The following PBXIP1 variants were observed in gnomAD, a reference collection of about 807,000 sequenced individuals.
PBXIP1 encodes pre-B-cell leukemia transcription factor-interacting protein 1.
A neutral mutation model predicts 73.7 loss-of-function variants in PBXIP1; 73 were observed. The ratio of observed to expected loss-of-function variants is 0.99; its 90% CI spans 0.82 to 1.20. The LOEUF is 1.20. Ranked by LOEUF, PBXIP1 falls within the 50% of genes most tolerant of loss-of-function variation. The probability of loss-of-function intolerance (pLI) is 0.00; values close to 1 mark genes in which losing one functional copy is unlikely to be tolerated. For synonymous variants in PBXIP1, 330 were observed against 366.9 expected, an observed-to-expected ratio of 0.90 and a Z score of 1.15; for missense variants, 818 against 911.4, an observed-to-expected ratio of 0.90 and a Z score of 1.32.
chr1:154,948,227 C>A lies in PBXIP1; in HGVS notation c.549G>T (p.Gly183=). 2 of 1,612,676 alleles carry A rather than the reference C, an allele frequency of 1.2e-6. No homozygotes were observed. The highest frequency in any genetic ancestry group is 1.7e-6 in the Non-Finnish European group (2 of 1,179,366). Residue 183 remains glycine, a synonymous_variant, in exon 6 of 11, where the codon GGG becomes GGT. Transcript: ENST00000368463. ...CCAGCTCCCCGCCTGCACCCTCACC[C>A]CCAGCCTGGTTCTCCACAGCCAGGG... The part of the protein sequence containing the change: ...MVPLAVENQA[G]GEGAGGELGI...
In PBXIP1 at chr1:154,951,844, G is replaced by A; in HGVS notation, c.129C>T (p.Ser43=). 6.2e-7 allele frequency: 1 copy of A among 1,613,792 alleles called. No individual in the cohort carries two copies. The highest frequency in any genetic ancestry group is 8.5e-7 in the Non-Finnish European group (1 of 1,179,800). ...ESERALQAPH[S]PSKTDGKELA... The stretch of plus-strand genomic sequence containing the variant: ...ATTCTTTCCCATCTGTCTTGGAGGG[G>A]CTGTGAGGGGCCTGCAGGGCTCTCT... The change falls in exon 3 of 11, where the codon AGC becomes AGT. Residue 43 remains serine (S), a synonymous_variant. Transcript: ENST00000368463. The surrounding 1 kb of genome is among the most constrained non-coding windows in gnomAD (Gnocchi z 4.3).
chr1:154,951,934 G>A lies in PBXIP1; in HGVS notation c.52-13C>T, dbSNP rs1177715045. On this transcript the variant is annotated splice_polypyrimidine_tract_variant and intron_variant, in intron 2 of 10. Coordinates refer to ENST00000368463, the MANE Select transcript of PBXIP1 (RefSeq NM_020524.4). This position sits in a 1 kb window ranked among gnomAD's most constrained non-coding sequence, Gnocchi z 4.3. The stretch of plus-strand genomic sequence containing the variant: ...CCACTGGCAGGCTCTGGGAGGAGAA[G>A]TGCAAGGAGAAGGGCTGCACCCAAG... 3.7e-6 allele frequency: 6 copies of A among 1,600,766 alleles called. No homozygotes were observed. Among genetic ancestry groups the A allele is most frequent in the Non-Finnish European group, 5.1e-6 (6 of 1,176,480 alleles).
intron 5 of PBXIP1, chr1:154,950,640 C>T (rs1055963728): frequency 9.0e-5 from 14 of 155,426 alleles, no homozygotes; most frequent in Admixed American, 8.1e-4. Context: ...CAGGTGGTCC[C>T]CACTCCTTTG....
At chr1:154,950,891 C>T (rs1391188259) in intron 5 of PBXIP1, among the ~76,000 whole-genome samples, 1 of 152,226 alleles carries the variant, frequency 6.6e-6, no homozygotes, top group African/African-American at 2.4e-5. Flanking sequence ...CTTACATAGG[C>T]GGTAACCAAC....
chr1:154,949,130 A>C (rs1654928004), intron 5 of PBXIP1, among the ~76,000 whole-genome samples: 1 of 148,276 alleles, frequency 6.7e-6, no homozygotes, highest in Non-Finnish European at 1.5e-5. Context: ...TCAGGTCTGC[A>C]TCTTCTTTCT....
In PBXIP1 at chr1:154,945,959, G is replaced by A. The variant is rs372327280; in HGVS notation, c.1715C>T (p.Pro572Leu). ...EGTKDSHDPL[P>L]SWAELLRPKY... ...GGGCCTCAACAGCTCTGCCCAGGATGGCAGGGGGTCATGGCTGTCCTTAGT... is the reference window on the plus strand; with the variant it reads ...GGGCCTCAACAGCTCTGCCCAGGATAGCAGGGGGTCATGGCTGTCCTTAGT... Residue 572 changes from proline to leucine, a missense_variant, in exon 10 of 11, where the codon CCA (proline) becomes CTA (leucine). Pro to Leu is a moderately conservative substitution (Grantham distance 98, BLOSUM62 -3). Transcript: ENST00000368463. 6.2e-6 allele frequency: 10 copies of A among 1,613,948 alleles called. No homozygotes were observed. The highest frequency in any genetic ancestry group is 8.5e-6 in the Non-Finnish European group (10 of 1,179,936).
Position 154,946,490 on chromosome 1 carries a change from C to G in PBXIP1, c.1184G>C (p.Arg395Thr), listed in dbSNP as rs1654827171. Residue 395 changes from arginine (R) to threonine (T), a missense_variant, in exon 10 of 11, where the codon AGG becomes ACG. By Grantham distance (71) the Arg-to-Thr change is moderately conservative. Coordinates refer to ENST00000368463, the MANE Select transcript of PBXIP1 (RefSeq NM_020524.4). ...CCGTCGCTGCCTCTCTAACTCTTGCCTTAATGCCTGTGCCTCAGCCTCCAG... is the reference window on the plus strand; with the variant it reads ...CCGTCGCTGCCTCTCTAACTCTTGCGTTAATGCCTGTGCCTCAGCCTCCAG... ...EQLEAEAQAL[R>T]QELERQRRLL... is the part of the protein sequence containing the mutation. 1.9e-6 allele frequency: 3 copies of G among 1,609,298 alleles called. No homozygotes were observed. The highest frequency in any genetic ancestry group is 2.5e-6 in the Non-Finnish European group (3 of 1,180,014).
At chr1:154,949,229 G>A (rs1444276576) in intron 5 of PBXIP1, among the ~76,000 whole-genome samples, 3 of 151,462 alleles carry the variant, frequency 2.0e-5, no homozygotes, top group African/African-American at 2.4e-5. Context: ...GCAGTGGCAC[G>A]ATCACAACTC....
chr1:154,946,884 C>A, intron 9 of PBXIP1, 81 bp from the exon 10 acceptor site: 1 of 1,376,814 alleles, frequency 7.3e-7, no homozygotes, highest in South Asian at 1.6e-5. Context: ...CAATTCCATT[C>A]TATTATAGTG....
chr1:154,952,822 T>C (rs1655051680), intron 2 of PBXIP1, among the ~76,000 whole-genome samples: 1 of 152,080 alleles, frequency 6.6e-6, no homozygotes, highest in South Asian at 2.1e-4. Flanking sequence ...CCTCTGCCAG[T>C]GAGCCCCAGT....
At chr1:154,949,988 A>ATTTATTTTAT (rs575712181) in intron 5 of PBXIP1, among the ~76,000 whole-genome samples, 42 of 151,144 alleles carry the variant, frequency 2.8e-4, no homozygotes, top group African/African-American at 9.7e-4. Flanking sequence ...TTTTATTTTT[A>ATTTATTTTAT]TTTATTTTAT....
chr1:154,947,421 A>C lies in PBXIP1; in HGVS notation c.866T>G (p.Leu289Arg). ...GCCCCTCCTGCCTGTGCCCACCTGC[A>C]GCTGGGCCTGCAGCAGCCGGATGTC... The part of the protein sequence containing the change: ...NQDIRLLQAQ[L>R]QAQKEELQSL... Residue 289 changes from leucine to arginine, a missense_variant, in exon 9 of 11, where the codon CTG becomes CGG. Coordinates refer to ENST00000368463, the MANE Select transcript of PBXIP1 (RefSeq NM_020524.4). The C allele has an allele frequency of 6.2e-7, 1 of 1,614,056 alleles. No homozygotes were observed. The highest frequency in any genetic ancestry group is 8.5e-7 in the Non-Finnish European group (1 of 1,179,972).
rs749917310 is a variant in PBXIP1 at position 154,951,436 on chromosome 1, C to A, written c.243+35G>T. ...AGCAGTGAGCAGCTGCTAGCCCTCC[C>A]CGCCTCCCTTCCTTCCCACAGCAAA... On this transcript the variant is annotated intron_variant, in intron 4 of 10. Transcript: ENST00000368463. This position sits in a 1 kb window ranked among gnomAD's most constrained non-coding sequence, Gnocchi z 4.3. 3 of 1,614,064 alleles carry A rather than the reference C, an allele frequency of 1.9e-6. No homozygotes were observed. Among genetic ancestry groups the A allele is most frequent in the Non-Finnish European group, 2.5e-6 (3 of 1,179,924 alleles).
Position 154,947,419 on chromosome 1 carries a change from G to A in PBXIP1, c.868C>T (p.Gln290Ter). The part of the protein sequence containing the change: ...QDIRLLQAQL[Q>*]AQKEELQSLM... ...CAGCCCCTCCTGCCTGTGCCCACCT[G>A]CAGCTGGGCCTGCAGCAGCCGGATG... Residue 290 changes from glutamine (Q) to a stop codon, truncating the protein, a stop_gained and splice_region_variant, in exon 9 of 11, where the codon CAG becomes TAG. Coordinates refer to ENST00000368463, the MANE Select transcript of PBXIP1 (RefSeq NM_020524.4). LOFTEE classifies it high-confidence loss of function. 3 of 1,614,052 alleles carry A rather than the reference G, an allele frequency of 1.9e-6. No individual in the cohort carries two copies. In the African/African-American group the frequency reaches 4.0e-5, roughly 22 times the overall value.
intron 1 of PBXIP1, among the ~76,000 whole-genome samples, chr1:154,954,411 C>T (rs1045301165): frequency 6.6e-6 from 1 of 152,182 alleles, no homozygotes; most frequent in Non-Finnish European, 1.5e-5. Flanking sequence ...TCAAATGATT[C>T]TCATGCGCAG....
intron 2 of PBXIP1, among the ~76,000 whole-genome samples, chr1:154,952,675 A>G (rs1169835830): frequency 6.6e-6 from 1 of 152,134 alleles, no homozygotes. Context: ...ACAAGGCAAA[A>G]ATCATGACGC....
intron 9 of PBXIP1, 51 bp downstream of exon 9, chr1:154,947,366 C>T (rs756898770): frequency 5.3e-5 from 86 of 1,607,560 alleles, no homozygotes; most frequent in Middle Eastern, 1.7e-4. Context: ...CTAGGACAGA[C>T]GCCTGGCCTA....
chr1:154,948,131 A>C lies in PBXIP1; in HGVS notation c.643+2T>G. The C allele has an allele frequency of 6.3e-7, 1 of 1,575,236 alleles. No homozygotes were observed. On this transcript the variant is annotated splice_donor_variant, in intron 6 of 10. Transcript: ENST00000368463. LOFTEE classifies it high-confidence loss of function. ...AGCCCCAGCCTCAGAGGTACCACTC[A>C]CCTGAGAAGAGGAGGACCCCCAGGC...
Position 154,951,765 on chromosome 1 carries a change from G to C in PBXIP1, c.178+30C>G. The C allele has an allele frequency of 6.2e-7, 1 of 1,605,246 alleles. No homozygotes were observed. The highest frequency in any genetic ancestry group is 8.5e-7 in the Non-Finnish European group (1 of 1,176,312). On this transcript the variant is annotated intron_variant, in intron 3 of 10. Transcript: ENST00000368463. This position sits in a 1 kb window ranked among gnomAD's most constrained non-coding sequence, Gnocchi z 4.3. The stretch of plus-strand genomic sequence containing the variant: ...AAAATATGGAGAATAGCTTTGTCCG[G>C]TAAGCTATGTCCTAAGCAGGGCCCA...
Sources: allele counts gnomAD v4.1 joint callset (sites outside exome capture counted in the v4.1 genomes callset), GRCh38; gene constraint gnomAD v4.1.1; non-coding constraint Gnocchi (gnomAD v3.1); transcripts MANE v1.5; gene names NCBI Gene and HGNC (gene_info 2026-07-23, HGNC 2026-07-21).